Variants in CD5 observed in about 807,000 individuals in gnomAD.
The protein encoded by CD5 is T-cell surface glycoprotein CD5.
A neutral mutation model predicts 60.3 loss-of-function variants in CD5; 36 were observed. The ratio of observed to expected loss-of-function variants is 0.60; its 90% confidence interval spans 0.46 to 0.79. The LOEUF (loss-of-function observed/expected upper bound fraction) is 0.79. Ranked by LOEUF, CD5 falls within the 30% of genes least tolerant of loss-of-function variation. The pLI is 0.00. For missense variants in CD5, 540 were observed against 630.6 expected, an observed-to-expected ratio of 0.86 and a Z score of 1.54; for synonymous variants, 230 against 257.6, an observed-to-expected ratio of 0.89 and a Z score of 1.03.
rs1565185742 is a variant in CD5 at position 61,118,407 on chromosome 11, A to G, written c.327A>G (p.Gly109=). 1 of 1,614,222 alleles carries G rather than the reference A, an allele frequency of 6.2e-7. No homozygotes were observed. The highest frequency in any genetic ancestry group is 8.5e-7 in the Non-Finnish European group (1 of 1,180,030). ...YTPQSSIICY[G]QLGSFSNCSH... is the part of the protein sequence containing the mutation. The stretch of plus-strand genomic sequence containing the variant: ...CTCAGAGCTCAATCATCTGCTACGG[A>G]CAACTGGGCTCCTTCTCCAACTGCA... The change falls in exon 3 of 11, where the codon GGA becomes GGG. Residue 109 remains glycine, a synonymous_variant. Transcript: ENST00000347785. This position sits in a 1 kb window ranked among gnomAD's most constrained non-coding sequence, Gnocchi z 4.7.
chr11:61,105,632 G>A lies in CD5; in HGVS notation c.55+3017G>A, dbSNP rs536676349. 5.3e-5 allele frequency among the ~76,000 whole-genome samples: 8 copies of A among 152,328 alleles called. No homozygotes were observed. The South Asian group carries it at 8.3e-4, about 16-fold the overall frequency. On this transcript the variant is annotated intron_variant, in intron 1 of 10. Coordinates refer to ENST00000347785, the MANE Select transcript of CD5 (RefSeq NM_014207.4). ...GGTCTTGCCAGAGGCCTGCACAGCC[G>A]TCAATCTCTCTACCCCTCAATCCTC...
chr11:61,113,765 T>C (rs1823172795), intron 1 of CD5, among the ~76,000 whole-genome samples: 1 of 152,036 alleles, frequency 6.6e-6, no homozygotes, highest in Non-Finnish European at 1.5e-5. Context: ...ACCTCCCAGG[T>C]TCAAGCAATT....
upstream of CD5, among the ~76,000 whole-genome samples, chr11:61,098,744 C>T (rs1347124139): frequency 6.6e-6 from 1 of 152,214 alleles, no homozygotes; most frequent in Non-Finnish European, 1.5e-5. Flanking sequence ...GAGCTCAGCT[C>T]TTGAGACAGG....
chr11:61,122,842 G>C (rs1002669004), intron 6 of CD5, 65 bp from the exon 7 acceptor site: 4 of 1,515,230 alleles, frequency 2.6e-6, no homozygotes, highest in Non-Finnish European at 3.6e-6. Context: ...GCAGCCAGCA[G>C]CTTCCCTCCC....
chr11:61,096,564 C>G, the CD5 span, among the ~76,000 whole-genome samples: 1 of 152,180 alleles, frequency 6.6e-6, no homozygotes, highest in African/African-American at 2.4e-5. Context: ...GATAGCTCAC[C>G]AGTTCTTGTA....
Position 61,106,124 on chromosome 11 carries a change from C to CAAAAAAAAAAAAAAAAAAAAA in CD5, c.55+3529_55+3530insAAAAAAAAAAAAAAAAAAAAA, listed in dbSNP as rs36003583. Among the ~76,000 whole-genome samples the CAAAAAAAAAAAAAAAAAAAAA allele has an allele frequency of 2.4e-5, 2 of 81,888 alleles. 1 individual carries two copies. The highest frequency in any genetic ancestry group is 4.7e-5 in the Non-Finnish European group (2 of 42,520). 53.7% of individuals were successfully genotyped at this position (81,888 alleles called of 152,430 possible). A position where few individuals can be genotyped will look rare whatever the true frequency, so the allele number is the denominator to read the frequency against. ...TGGGCAACAGAGCAAGACTCCATCT[C>CAAAAAAAAAAAAAAAAAAAAA]AAAAAAAAAAAAAAAAAAAAGGCAC... On this transcript the variant is annotated intron_variant, in intron 1 of 10. Coordinates refer to ENST00000347785, the MANE Select transcript of CD5 (RefSeq NM_014207.4).
At chr11:61,116,825 AAC>A (rs1248830069) in intron 2 of CD5, among the ~76,000 whole-genome samples, 2 of 119,750 alleles carry the variant, frequency 1.7e-5, no homozygotes, top group African/African-American at 3.3e-5. Flanking sequence ...ACACACATAC[AAC>A]ACACACAACA....
upstream of CD5, chr11:61,102,263 T>C: frequency 2.2e-6 from 1 of 449,186 alleles, no homozygotes. Context: ...CCAGGATGCA[T>C]GGCCTTGTCC....
chr11:61,121,641 T>G lies in CD5; in HGVS notation c.836T>G (p.Val279Gly). 1 of 1,534,074 alleles carries G rather than the reference T, an allele frequency of 6.5e-7. No individual in the cohort carries two copies. Among genetic ancestry groups the G allele is most frequent in the Non-Finnish European group, 8.8e-7 (1 of 1,135,554 alleles). Residue 279 changes from valine (V) to glycine (G), a missense_variant, in exon 6 of 11, where the codon GTG (valine) becomes GGG (glycine). Coordinates refer to ENST00000347785, the MANE Select transcript of CD5 (RefSeq NM_014207.4). Reference sequence around the variant, plus strand: ...CAGCCCAAGGTGCAGAGCCGTCTGGTGGGGGGCAGCAGCATCTGTGAAGGC... The same window carrying G: ...CAGCCCAAGGTGCAGAGCCGTCTGGGGGGGGGCAGCAGCATCTGTGAAGGC... ...GFQPKVQSRL[V>G]GGSSICEGTV...
chr11:61,110,831 A>G (rs1408132753), intron 1 of CD5, among the ~76,000 whole-genome samples: 14 of 152,172 alleles, frequency 9.2e-5, no homozygotes, highest in Admixed American at 9.2e-4. Context: ...AAGGCCCGGA[A>G]GAGTGAAAAC....
chr11:61,103,109 G>A (rs1321678981), intron 1 of CD5, among the ~76,000 whole-genome samples: 2 of 152,214 alleles, frequency 1.3e-5, no homozygotes, highest in Non-Finnish European at 2.9e-5. Flanking sequence ...TGAGGACGAT[G>A]TCTGAGCAAA....
chr11:61,121,648 C>T lies in CD5; in HGVS notation c.843C>T (p.Gly281=). Residue 281 remains glycine, a synonymous_variant, in exon 6 of 11, where the codon GGC becomes GGT. Coordinates refer to ENST00000347785, the MANE Select transcript of CD5 (RefSeq NM_014207.4). The part of the protein sequence containing the change: ...QPKVQSRLVG[G]SSICEGTVEV... ...AGGTGCAGAGCCGTCTGGTGGGGGGCAGCAGCATCTGTGAAGGCACCGTGG... is the reference window on the plus strand; with the variant it reads ...AGGTGCAGAGCCGTCTGGTGGGGGGTAGCAGCATCTGTGAAGGCACCGTGG... The T allele has an allele frequency of 6.5e-7, 1 of 1,546,326 alleles. No homozygotes were observed. Among genetic ancestry groups the T allele is most frequent in the Non-Finnish European group, 8.8e-7 (1 of 1,141,514 alleles).
At chr11:61,100,802 C>T (rs1314134153), upstream of CD5, among the ~76,000 whole-genome samples, 1 of 138,374 alleles carries the variant, frequency 7.2e-6, no homozygotes, top group Non-Finnish European at 1.6e-5. Context: ...ATGGAGATCA[C>T]ACACACACAT....
At chr11:61,109,703 G>A (rs899652358) in intron 1 of CD5, among the ~76,000 whole-genome samples, 8 of 152,206 alleles carry the variant, frequency 5.3e-5, no homozygotes, top group African/African-American at 1.9e-4. Flanking sequence ...CAAAAATATT[G>A]TCTCTGCCAA....
At chr11:61,097,837 G>A (rs762639930), upstream of CD5, among the ~76,000 whole-genome samples, 2 of 152,064 alleles carry the variant, frequency 1.3e-5, no homozygotes, top group African/African-American at 4.8e-5. Context: ...GTGCTCAACC[G>A]AATCATACGG....
chr11:61,114,514 G>A (rs1030147362), intron 1 of CD5, among the ~76,000 whole-genome samples: 2 of 152,128 alleles, frequency 1.3e-5, no homozygotes, highest in African/African-American at 4.8e-5. Context: ...AGTGGCTCAT[G>A]CCTGTAATCC....
Position 61,121,760 on chromosome 11 carries a change from C to G in CD5, c.955C>G (p.Gln319Glu). ...SLRWEEVCRE[Q>E]QCGSVNSYRV... ...GCGGTGGGAGGAGGTGTGCCGGGAGCAGCAGTGTGGCAGCGTCAACTCCTA... is the reference window on the plus strand; with the variant it reads ...GCGGTGGGAGGAGGTGTGCCGGGAGGAGCAGTGTGGCAGCGTCAACTCCTA... The change falls in exon 6 of 11, where the codon CAG becomes GAG. Residue 319 changes from glutamine (Q) to glutamate (E), a missense_variant. Physicochemically the swap from Gln to Glu is conservative, Grantham distance 29. Transcript: ENST00000347785. 6.2e-7 allele frequency: 1 copy of G among 1,612,296 alleles called. No individual in the cohort carries two copies. The highest frequency in any genetic ancestry group is 1.1e-5 in the South Asian group (1 of 90,896).
At chr11:61,117,717 T>G (rs1454794295) in intron 2 of CD5, among the ~76,000 whole-genome samples, 2 of 152,164 alleles carry the variant, frequency 1.3e-5, no homozygotes, top group Non-Finnish European at 2.9e-5. Flanking sequence ...CAGGCTGGTC[T>G]CAAACTCCTG....
intron 7 of CD5, 43 bp from the exon 8 acceptor site, chr11:61,123,841 C>A: frequency 8.1e-7 from 1 of 1,233,658 alleles, no homozygotes; most frequent in South Asian, 1.2e-5. Context: ...CCACCCATAC[C>A]TGCCCCCACC....
Sources: allele counts gnomAD v4.1 joint callset (sites outside exome capture counted in the v4.1 genomes callset), GRCh38; gene constraint gnomAD v4.1.1; non-coding constraint Gnocchi (gnomAD v3.1); transcripts MANE v1.5; gene names NCBI Gene and HGNC (gene_info 2026-07-23, HGNC 2026-07-21).